Variants in TCERG1L observed in about 807,000 individuals in gnomAD.
The protein encoded by TCERG1L is transcription elongation regulator 1-like protein.
A neutral mutation model predicts 56.3 loss-of-function variants in TCERG1L; 37 were observed. The ratio of observed to expected loss-of-function variants is 0.66; its 90% CI spans 0.51 to 0.87. TCERG1L has a LOEUF of 0.87. TCERG1L is among the 40% of genes least tolerant of loss of function. The pLI is 0.00. For synonymous variants in TCERG1L, 324 were observed against 326.3 expected (o/e 0.99, Z 0.08); for missense variants, 799 against 774.2 (o/e 1.03, Z -0.38).
At chr10:131,253,115 T>G (rs141089794) in intron 4 of TCERG1L, among the ~76,000 whole-genome samples, 33 of 152,330 alleles carry the variant, frequency 2.2e-4, no homozygotes, top group African/African-American at 7.7e-4. Flanking sequence ...TCTTGGCCTG[T>G]GCCTGCCAGG....
intron 4 of TCERG1L, among the ~76,000 whole-genome samples, chr10:131,226,481 T>A (rs1016176997): frequency 2.0e-5 from 3 of 152,164 alleles, no homozygotes; most frequent in African/African-American, 7.2e-5. Context: ...TAGCAGAGAA[T>A]CCAGGAAATG....
intron 4 of TCERG1L, among the ~76,000 whole-genome samples, chr10:131,179,818 G>A (rs1194025060): frequency 1.3e-5 from 2 of 152,164 alleles, no homozygotes; most frequent in African/African-American, 2.4e-5. Context: ...TAGGCTCTGC[G>A]AAGTTAAGGC....
chr10:131,151,434 A>G (rs10829923), intron 6 of TCERG1L, among the ~76,000 whole-genome samples: 30,766 of 152,206 alleles, frequency 0.2, 3,486 homozygotes, highest in East Asian at 0.35. Context: ...GCAGTCATTA[A>G]GCCTTAAATT....
At chr10:131,247,024 C>T (rs1476408872) in intron 4 of TCERG1L, among the ~76,000 whole-genome samples, 1 of 151,990 alleles carries the variant, frequency 6.6e-6, no homozygotes, top group African/African-American at 2.4e-5. Flanking sequence ...CGCTGCGGCA[C>T]AACAGATTCC....
intron 4 of TCERG1L, among the ~76,000 whole-genome samples, chr10:131,174,731 C>T (rs1846129641): frequency 6.6e-6 from 1 of 152,158 alleles, no homozygotes; most frequent in Non-Finnish European, 1.5e-5. Context: ...CTGAATTGCC[C>T]CTTGCAAGAA....
In TCERG1L at chr10:131,311,456, CG is replaced by C. The variant is rs1365415171; in HGVS notation, c.179del (p.Pro60ArgfsTer65). Reference sequence around the variant, plus strand: ...GCGGCGGGGCCGAGGCGAGCAGCACCGGGGGAACCACGACCCCCGCGCTGAG... The same window carrying C: ...GCGGCGGGGCCGAGGCGAGCAGCACCGGGGAACCACGACCCCCGCGCTGAG... ...LRLSAGVVVP[P>X]VLLASAPPPA... is the part of the protein sequence containing the mutation. On this transcript the variant is annotated frameshift_variant, in exon 1 of 12. Transcript: ENST00000368642. LOFTEE classifies it high-confidence loss of function. The surrounding 1 kb of genome is among the most constrained non-coding windows in gnomAD (Gnocchi z 4.0). 2 of 1,179,246 alleles carry C rather than the reference CG, an allele frequency of 1.7e-6. No homozygotes were observed. The highest frequency in any genetic ancestry group is 2.1e-6 in the Non-Finnish European group (2 of 956,036). The allele number at this position is 1,179,246 out of a possible 1,614,324, so 73.0% of individuals were successfully genotyped here.
At chr10:131,248,509 G>T (rs1475319220) in intron 4 of TCERG1L, among the ~76,000 whole-genome samples, 4 of 152,074 alleles carry the variant, frequency 2.6e-5, no homozygotes, top group African/African-American at 4.8e-5. Context: ...GCCACACCTG[G>T]TGCCCAGTAC....
chr10:131,175,984 G>T (rs1439231760), intron 4 of TCERG1L, among the ~76,000 whole-genome samples: 1 of 152,168 alleles, frequency 6.6e-6, no homozygotes, highest in Non-Finnish European at 1.5e-5. Flanking sequence ...ACAGTACCAG[G>T]CTGAGTTATT....
At chr10:131,292,986 G>C (rs1161021532) in intron 3 of TCERG1L, among the ~76,000 whole-genome samples, 1 of 151,922 alleles carries the variant, frequency 6.6e-6, no homozygotes, top group African/African-American at 2.4e-5. Context: ...GAGTAGCTGG[G>C]ATTACAGGTA....
chr10:131,278,250 A>G (rs1448260733), intron 3 of TCERG1L, among the ~76,000 whole-genome samples: 1 of 151,886 alleles, frequency 6.6e-6, no homozygotes, highest in Admixed American at 6.6e-5. Flanking sequence ...AAAATGGGGC[A>G]GCGATGCTTC....
chr10:131,191,864 C>CAAAAAAA (rs59816491), intron 4 of TCERG1L, among the ~76,000 whole-genome samples: 21 of 28,714 alleles, frequency 7.3e-4, no homozygotes, highest in African/African-American at 2.6e-3. Context: ...GACTCCGTCT[C>CAAAAAAA]AAAAAAAAAA....
In TCERG1L at chr10:131,228,991, CAGGCATTCCTCAAGGTCTCTG is replaced by C. The variant is rs1249282180; in HGVS notation, c.856+31247_856+31267del. Among the ~76,000 whole-genome samples, 14 of 75,130 alleles carry C rather than the reference CAGGCATTCCTCAAGGTCTCTG, an allele frequency of 1.9e-4. 5 individuals carry two copies. The highest frequency in any genetic ancestry group is 2.6e-4 in the Admixed American group (2 of 7,726). 49.3% of individuals were successfully genotyped at this position (75,130 alleles called of 152,430 possible). On this transcript the variant is annotated intron_variant, in intron 4 of 11. Transcript: ENST00000368642. ...AGGCCTCCGGAGTCTTCCCTCCAGA[CAGGCATTCCTCAAGGTCTCTG>C]GAGTCTCCACTCCAGAAAGGCATTT...
intron 4 of TCERG1L, among the ~76,000 whole-genome samples, chr10:131,216,594 A>G (rs1054439094): frequency 6.6e-5 from 10 of 152,232 alleles, no homozygotes; most frequent in Non-Finnish European, 2.9e-5. Flanking sequence ...CTGAAACTCA[A>G]TAACTACCAT....
chr10:131,208,302 T>C (rs1453928638), intron 4 of TCERG1L, among the ~76,000 whole-genome samples: 1 of 152,188 alleles, frequency 6.6e-6, no homozygotes, highest in African/African-American at 2.4e-5. Context: ...ATGCCTATCA[T>C]CTGTGTCACC....
chr10:131,284,658 C>T (rs1846499097), intron 3 of TCERG1L, among the ~76,000 whole-genome samples: 1 of 151,956 alleles, frequency 6.6e-6, no homozygotes, highest in Admixed American at 6.6e-5. Context: ...TGAACAAGTA[C>T]TTTTTTTGAA....
intron 3 of TCERG1L, among the ~76,000 whole-genome samples, chr10:131,266,280 G>C (rs570333380): frequency 4.6e-5 from 7 of 152,292 alleles, no homozygotes; most frequent in Middle Eastern, 3.4e-3. Context: ...AAGACGTCTT[G>C]AAACCCCTGA....
rs1049489623 is a variant in TCERG1L, at chr10:131,267,146, G to C, written c.671-6702C>G. Among the ~76,000 whole-genome samples, 4 of 152,032 alleles carry C rather than the reference G, an allele frequency of 2.6e-5. No homozygotes were observed. The highest frequency in any genetic ancestry group is 2.0e-4 in the Admixed American group (3 of 15,274). The stretch of plus-strand genomic sequence containing the variant: ...AGGCCGCTTGCACCCAGGGGTACCC[G>C]CAGGCCAGTGCTGAGTTGCCACCAG... On this transcript the variant is annotated intron_variant, in intron 3 of 11. Transcript: ENST00000368642. The surrounding 1 kb of genome is among the most constrained non-coding windows in gnomAD (Gnocchi z 4.9).
chr10:131,141,032 T>C lies in TCERG1L; in HGVS notation c.1189+5474A>G, dbSNP rs75396531. 3.2e-3 allele frequency among the ~76,000 whole-genome samples: 494 copies of C among 152,232 alleles called. 1 individual carries two copies. Among genetic ancestry groups the C allele is most frequent in the Non-Finnish European group, 5.4e-3 (366 of 68,006 alleles). On this transcript the variant is annotated intron_variant, in intron 7 of 11. Transcript: ENST00000368642. ...ATTTGATGGGTGTGGAGTTTAGGGA[T>C]AGAAAGAGCCGCAGCAGAGCTGCAA...
Position 131,304,503 on chromosome 10 carries a change from G to A in TCERG1L, c.670+3708C>T, listed in dbSNP as rs140247295. On this transcript the variant is annotated intron_variant, in intron 3 of 11. Transcript: ENST00000368642. ...GTGGGGAGGTGTTGACAGAGATATG[G>A]CAGCTGATGCACAGGCACTGCTGAG... Among the ~76,000 whole-genome samples the A allele has an allele frequency of 8.6e-4, 131 of 151,978 alleles. 3 individuals carry two copies. The highest frequency in any genetic ancestry group is 3.1e-3 in the African/African-American group (128 of 41,360).
Sources: gnomAD v4.1 joint callset for allele counts (sites outside exome capture counted in the v4.1 genomes callset) on GRCh38, gnomAD v4.1.1 for gene constraint, Gnocchi (gnomAD v3.1) non-coding constraint, MANE v1.5 for transcripts, NCBI Gene and HGNC (gene_info 2026-07-23, HGNC 2026-07-21) for gene names.